Variants in RMND1 observed in about 807,000 individuals in gnomAD.
RMND1 encodes required for meiotic nuclear division protein 1 homolog.
RMND1 carries 41 observed loss-of-function variants against 54.0 expected under a neutral mutation model. The ratio of observed to expected loss-of-function variants is 0.76; its 90% CI spans 0.59 to 0.98. The LOEUF is 0.98. Ranked by LOEUF, RMND1 falls within the 50% of genes least tolerant of loss-of-function variation. The probability of loss-of-function intolerance (pLI) is 0.00; values close to 1 mark genes in which losing one functional copy is unlikely to be tolerated. For missense variants in RMND1, 457 were observed against 532.0 expected, an observed-to-expected ratio of 0.86 and a Z score of 1.39; for synonymous variants, 183 against 181.7, an observed-to-expected ratio of 1.01 and a Z score of -0.06.
intron 9 of RMND1, among the ~76,000 whole-genome samples, chr6:151,419,072 TTTC>T (rs984463351): frequency 3.1e-5 from 4 of 130,630 alleles, no homozygotes; most frequent in African/African-American, 1.2e-4. Flanking sequence ...GCCCAGCCTT[TTTC>T]TTTTTTGAGA....
chr6:151,452,123 T>A lies in RMND1; in HGVS notation c.-122A>T. Reference sequence around the variant, plus strand: ...CTCTCACTACTGCAGCCAACCCATCTCCTGGAAGGGCGCTCCCGCCCACCC... The same window carrying A: ...CTCTCACTACTGCAGCCAACCCATCACCTGGAAGGGCGCTCCCGCCCACCC... On this transcript the variant is annotated 5_prime_UTR_variant, in exon 1 of 12. Coordinates refer to ENST00000444024, the MANE Select transcript of RMND1 (RefSeq NM_017909.4). The A allele has an allele frequency of 5.0e-6, 1 of 200,164 alleles. No individual in the cohort carries two copies. The highest frequency in any genetic ancestry group is 1.7e-4 in the East Asian group (1 of 6,040). The allele number at this position is 200,164 out of a possible 1,614,324, so 12.4% of individuals were successfully genotyped here.
chr6:151,424,191 T>G (rs1780229478), intron 6 of RMND1, among the ~76,000 whole-genome samples: 3 of 149,274 alleles, frequency 2.0e-5, no homozygotes, highest in Admixed American at 6.7e-5. Flanking sequence ...CTGGGCACGG[T>G]GGCTCACGCC....
intron 9 of RMND1, 198 bp downstream of exon 9, chr6:151,421,047 G>C (rs929457305): frequency 6.4e-6 from 3 of 468,064 alleles, no homozygotes; most frequent in Non-Finnish European, 1.2e-5. Context: ...GCACATGCGT[G>C]ATTTCTTTCA....
At chr6:151,419,737 C>A (rs979889479) in intron 9 of RMND1, among the ~76,000 whole-genome samples, 7 of 150,812 alleles carry the variant, frequency 4.6e-5, no homozygotes, top group Non-Finnish European at 8.9e-5. Flanking sequence ...AGGAAAATAT[C>A]CTAGAGAAGG....
At chr6:151,443,447 G>A (rs1234069623) in intron 2 of RMND1, among the ~76,000 whole-genome samples, 1 of 152,068 alleles carries the variant, frequency 6.6e-6, no homozygotes, top group Non-Finnish European at 1.5e-5. Context: ...GAGCCGCTGG[G>A]ATTACAGGTG....
Position 151,422,549 on chromosome 6 carries a change from T to C in RMND1, c.994A>G (p.Ile332Val), listed in dbSNP as rs757774380. The C allele has an allele frequency of 3.3e-6, 5 of 1,508,066 alleles. No homozygotes were observed. Among genetic ancestry groups the C allele is most frequent in the Non-Finnish European group, 4.5e-6 (5 of 1,112,510 alleles). The allele number at this position is 1,508,066 out of a possible 1,614,324, so 93.4% of individuals were successfully genotyped here. A position where few individuals can be genotyped will look rare whatever the true frequency, so the allele number is the denominator to read the frequency against. Residue 332 changes from isoleucine to valine, a missense_variant, in exon 8 of 12, where the codon ATT (isoleucine) becomes GTT (valine). By Grantham distance (29) the Ile-to-Val change is conservative. Transcript: ENST00000444024. ...LDKFIESIQS[I>V]PEALKAGKKV... ...AAAATTGATATAATTACCTCAGGAATTGACTGAATAGATTCAATAAATTTA... is the reference window on the plus strand; with the variant it reads ...AAAATTGATATAATTACCTCAGGAACTGACTGAATAGATTCAATAAATTTA...
At chr6:151,424,307 A>C (rs947570400) in intron 6 of RMND1, among the ~76,000 whole-genome samples, 1 of 152,002 alleles carries the variant, frequency 6.6e-6, no homozygotes, top group Non-Finnish European at 1.5e-5. Flanking sequence ...CAAAACACAA[A>C]ATAAAATTAG....
intron 2 of RMND1, among the ~76,000 whole-genome samples, chr6:151,443,267 A>G (rs867016578): frequency 1.3e-5 from 2 of 152,194 alleles, no homozygotes; most frequent in Non-Finnish European, 2.9e-5. Flanking sequence ...TCTTCAAAAA[A>G]TGATGTTCCA....
At chr6:151,426,177 A>G (rs1395108675) in intron 6 of RMND1, among the ~76,000 whole-genome samples, 1 of 151,940 alleles carries the variant, frequency 6.6e-6, no homozygotes, top group African/African-American at 2.4e-5. Flanking sequence ...TGAACTCCTG[A>G]CTCAGTTGAT....
chr6:151,428,918 A>C (rs1252889353), intron 5 of RMND1, among the ~76,000 whole-genome samples: 1 of 152,150 alleles, frequency 6.6e-6, no homozygotes, highest in African/African-American at 2.4e-5. Context: ...CTCTTAAGAA[A>C]TGGGGTTTAT....
intron 3 of RMND1, among the ~76,000 whole-genome samples, chr6:151,433,442 C>A (rs1780501569): frequency 6.6e-6 from 1 of 152,112 alleles, no homozygotes; most frequent in Non-Finnish European, 1.5e-5. Context: ...TCAGCAATTA[C>A]TTTTATAAAA....
At chr6:151,407,751 C>CA (rs1298499079) in intron 10 of RMND1, among the ~76,000 whole-genome samples, 2 of 151,844 alleles carry the variant, frequency 1.3e-5, no homozygotes, top group African/African-American at 4.8e-5. Flanking sequence ...ACTAAAAATA[C>CA]AAAAAAATTA....
Position 151,436,551 on chromosome 6 carries a change from G to A in RMND1, c.508C>T (p.Leu170=). 1.2e-6 allele frequency: 2 copies of A among 1,613,672 alleles called. No individual in the cohort carries two copies. Among genetic ancestry groups the A allele is most frequent in the Non-Finnish European group, 1.7e-6 (2 of 1,179,688 alleles). ...GTTGCAAATGCTGTGCAGTGCATTA[G>A]GTCCTGTTCCAGGGAAATGAGCATA... The part of the protein sequence containing the change: ...NLPVLSVNED[L]MHCTAFATAD... Residue 170 remains leucine (L), a synonymous_variant, in exon 3 of 12, where the codon CTA becomes TTA. Coordinates refer to ENST00000444024, the MANE Select transcript of RMND1 (RefSeq NM_017909.4).
intron 11 of RMND1, 102 bp downstream of exon 11, chr6:151,405,617 CT>C (rs1290314032): frequency 1.2e-5 from 8 of 676,012 alleles, no homozygotes; most frequent in Non-Finnish European, 2.1e-5. Context: ...AAGTCAGCCT[CT>C]TTTCTGCTAA....
chr6:151,449,894 G>A (rs998341060), intron 1 of RMND1, among the ~76,000 whole-genome samples: 19 of 152,224 alleles, frequency 1.2e-4, no homozygotes, highest in African/African-American at 4.3e-4. Context: ...CGAGTGATCT[G>A]CCAGCCTCGG....
Position 151,427,467 on chromosome 6 carries a change from T to C in RMND1, c.830+15A>G, listed in dbSNP as rs370328841. The C allele has an allele frequency of 4.7e-6, 7 of 1,497,232 alleles. No homozygotes were observed. The African/African-American group carries it at 8.3e-5, about 18-fold the overall frequency. The allele number at this position is 1,497,232 out of a possible 1,614,324, so 92.7% of individuals were successfully genotyped here. Reference sequence around the variant, plus strand: ...CCAAGTGCCCCTTTCATAAATTTGATGAAAAGTTGCTTACTCTATTTTTAT... The same window carrying C: ...CCAAGTGCCCCTTTCATAAATTTGACGAAAAGTTGCTTACTCTATTTTTAT... On this transcript the variant is annotated intron_variant, in intron 6 of 11. Transcript: ENST00000444024.
At chr6:151,405,501 G>A (rs1213909206) in intron 11 of RMND1, among the ~76,000 whole-genome samples, 1 of 152,142 alleles carries the variant, frequency 6.6e-6, no homozygotes, top group East Asian at 1.9e-4. Context: ...GCAGAACCTT[G>A]AGGTCTACTC....
In RMND1 at chr6:151,417,317, T is replaced by C. The variant is rs764719444; in HGVS notation, c.1162A>G (p.Lys388Glu). ...CCAATGCTAAGGAATTGACACGTTT[T>C]ATCGTAAAGTCCTTCCAGGTTTTCT... ...DRENLEGLYD[K>E]TCQFLSIGRR... is the part of the protein sequence containing the mutation. Residue 388 changes from lysine to glutamate, a missense_variant, in exon 10 of 12, where the codon AAA becomes GAA. Lys to Glu is a moderately conservative substitution (Grantham distance 56, BLOSUM62 1). Coordinates refer to ENST00000444024, the MANE Select transcript of RMND1 (RefSeq NM_017909.4). 1 of 1,613,506 alleles carries C rather than the reference T, an allele frequency of 6.2e-7. No homozygotes were observed. Among genetic ancestry groups the C allele is most frequent in the South Asian group, 1.1e-5 (1 of 90,834 alleles).
In RMND1 at chr6:151,404,801, GAAAAAGATAATTTCTTGATT is replaced by G; in HGVS notation, c.*414_*433del. 1 of 153,414 alleles carries G rather than the reference GAAAAAGATAATTTCTTGATT, an allele frequency of 6.5e-6. No individual in the cohort carries two copies. Among genetic ancestry groups the G allele is most frequent in the African/African-American group, 2.4e-5 (1 of 41,558 alleles). 9.5% of individuals were successfully genotyped at this position (153,414 alleles called of 1,614,324 possible). On this transcript the variant is annotated 3_prime_UTR_variant, in exon 12 of 12. Coordinates refer to ENST00000444024, the MANE Select transcript of RMND1 (RefSeq NM_017909.4). Reference sequence around the variant, plus strand: ...TTTTATTCACACGATATACTGGGCTGAAAAAGATAATTTCTTGATTAAAAAAACACCTATTAAATGATCAC... The same window carrying G: ...TTTTATTCACACGATATACTGGGCTGAAAAAAACACCTATTAAATGATCAC...
Sources: allele counts gnomAD v4.1 joint callset (sites outside exome capture counted in the v4.1 genomes callset), GRCh38; gene constraint gnomAD v4.1.1; transcripts MANE v1.5; gene names NCBI Gene and HGNC (gene_info 2026-07-23, HGNC 2026-07-21).